Variants in TRAPPC10 observed in about 807,000 individuals in gnomAD.
TRAPPC10 encodes the protein TRAPP 130 kDa subunit.
A neutral mutation model predicts 125.5 loss-of-function variants in TRAPPC10; 23 were observed. The observed-to-expected ratio is 0.18, with a 90% CI of 0.13 to 0.26. TRAPPC10 has a LOEUF of 0.26. Ranked by LOEUF, TRAPPC10 falls within the 10% of genes least tolerant of loss-of-function variation. The probability of loss-of-function intolerance (pLI) is 1.00; values close to 1 mark genes in which losing one functional copy is unlikely to be tolerated. For synonymous variants in TRAPPC10, 509 were observed against 518.0 expected, an observed-to-expected ratio of 0.98 and a Z score of 0.24; for missense variants, 1,123 against 1,308.4, an observed-to-expected ratio of 0.86 and a Z score of 2.19.
At chr21:44,074,554 G>C in intron 8 of TRAPPC10, 84 bp downstream of exon 8, 1 of 1,570,246 alleles carries the variant, frequency 6.4e-7, no homozygotes, top group South Asian at 1.2e-5. Context: ...GTTTGGAGGA[G>C]AGGTGTTGCT....
chr21:44,071,545 T>A (rs1664305721), intron 7 of TRAPPC10, among the ~76,000 whole-genome samples: 1 of 152,170 alleles, frequency 6.6e-6, no homozygotes, highest in South Asian at 2.1e-4. Context: ...TCGGCCCCCT[T>A]TGGGGTGTTA....
chr21:44,014,168 A>G (rs906882548), intron 1 of TRAPPC10, among the ~76,000 whole-genome samples: 2 of 152,248 alleles, frequency 1.3e-5, no homozygotes, highest in African/African-American at 4.8e-5. Context: ...ATGTAAATAC[A>G]TTTCTGAGGA....
At chr21:44,038,318 G>A (rs1041330514) in intron 3 of TRAPPC10, among the ~76,000 whole-genome samples, 7 of 152,004 alleles carry the variant, frequency 4.6e-5, no homozygotes, top group Non-Finnish European at 4.4e-5. Flanking sequence ...TGTGCCCCAC[G>A]GCTGCCAGGC....
At position 44,079,995 on chromosome 21, in the gene TRAPPC10, T is replaced by C. The variant is rs1273596893; in HGVS notation, c.1611-20T>C. The C allele has an allele frequency of 1.9e-6, 3 of 1,607,368 alleles. No homozygotes were observed. The highest frequency in any genetic ancestry group is 2.6e-6 in the Non-Finnish European group (3 of 1,174,398). On this transcript the variant is annotated intron_variant, in intron 12 of 22. Coordinates refer to ENST00000291574, the MANE Select transcript of TRAPPC10 (RefSeq NM_003274.5). ...CTCCTAAGTATGAGCCTCTCCACGCTCCTTACCTCTCCGCTCCAGCTACCT... is the reference window on the plus strand; with the variant it reads ...CTCCTAAGTATGAGCCTCTCCACGCCCCTTACCTCTCCGCTCCAGCTACCT...
At chr21:44,016,973 T>A (rs1025426228) in intron 1 of TRAPPC10, among the ~76,000 whole-genome samples, 3 of 152,218 alleles carry the variant, frequency 2.0e-5, no homozygotes, top group Admixed American at 1.3e-4. Flanking sequence ...GTTTTTAAAT[T>A]TGCACATTGA....
chr21:44,036,401 C>T (rs1413266392), intron 2 of TRAPPC10, among the ~76,000 whole-genome samples: 4 of 152,220 alleles, frequency 2.6e-5, no homozygotes, highest in African/African-American at 7.2e-5. Flanking sequence ...GCGTGAGCCA[C>T]AGGTGCTGAG....
At chr21:44,027,372 AT>A (rs2033170517) in intron 1 of TRAPPC10, among the ~76,000 whole-genome samples, 1 of 152,216 alleles carries the variant, frequency 6.6e-6, no homozygotes, top group African/African-American at 2.4e-5. Context: ...ACGTTCAAGA[AT>A]TGGTTCAGTA....
intron 1 of TRAPPC10, among the ~76,000 whole-genome samples, chr21:44,030,947 T>C (rs1205666943): frequency 2.0e-5 from 3 of 152,206 alleles, no homozygotes; most frequent in Non-Finnish European, 4.4e-5. Context: ...CCAGAGCTCC[T>C]CTGGCCGAGC....
intron 7 of TRAPPC10, among the ~76,000 whole-genome samples, chr21:44,070,748 T>TGC (rs2036804305): frequency 6.6e-6 from 1 of 152,144 alleles, no homozygotes; most frequent in Non-Finnish European, 1.5e-5. Context: ...CTCTAATGGG[T>TGC]AAAATAAGCC....
intron 1 of TRAPPC10, among the ~76,000 whole-genome samples, chr21:44,024,343 C>A (rs547542087): frequency 6.6e-6 from 1 of 152,324 alleles, no homozygotes; most frequent in African/African-American, 2.4e-5. Flanking sequence ...TCTGATTGAA[C>A]AGGTCTGGGT....
Position 44,076,538 on chromosome 21 carries a change from T to G in TRAPPC10, c.1301-14T>G. 6.2e-7 allele frequency: 1 copy of G among 1,610,444 alleles called. No homozygotes were observed. Among genetic ancestry groups the G allele is most frequent in the Non-Finnish European group, 8.5e-7 (1 of 1,176,718 alleles). ...ATGAAGATGAAGAGGGACTCTCGTT[T>G]CTTTCTGTTTAAGCCAACACAGCTC... On this transcript the variant is annotated splice_polypyrimidine_tract_variant and intron_variant, in intron 9 of 22. Transcript: ENST00000291574.
chr21:44,081,017 C>CTTTTTTTTTTTT (rs67865929), intron 13 of TRAPPC10, among the ~76,000 whole-genome samples: 2,916 of 96,964 alleles, frequency 0.03, 6 homozygotes, highest in Non-Finnish European at 0.046. Context: ...TTTTTTTTTT[C>CTTTTTTTTTTTT]TTTTTTTTTT....
intron 2 of TRAPPC10, among the ~76,000 whole-genome samples, chr21:44,036,983 A>C (rs2034030554): frequency 6.6e-6 from 1 of 152,212 alleles, no homozygotes; most frequent in Non-Finnish European, 1.5e-5. Context: ...ACAGGGGAAA[A>C]CTAGAGCCGG....
At chr21:44,050,746 G>A (rs2035177962) in intron 3 of TRAPPC10, among the ~76,000 whole-genome samples, 1 of 152,182 alleles carries the variant, frequency 6.6e-6, no homozygotes, top group African/African-American at 2.4e-5. Flanking sequence ...TTTAATCTCA[G>A]TTTTCAAAGT....
intron 1 of TRAPPC10, among the ~76,000 whole-genome samples, chr21:44,023,061 C>T (rs1337258381): frequency 2.8e-5 from 3 of 105,538 alleles, no homozygotes; most frequent in Admixed American, 2.8e-4. Context: ...GAGACAGAGT[C>T]TTGCTCTGTC....
chr21:44,028,232 A>G (rs2033248227), intron 1 of TRAPPC10, among the ~76,000 whole-genome samples: 1 of 152,284 alleles, frequency 6.6e-6, no homozygotes, highest in South Asian at 2.1e-4. Flanking sequence ...ATCTGATTGC[A>G]TGTAACAGAA....
chr21:44,076,443 C>A, intron 9 of TRAPPC10, 109 bp from the exon 10 acceptor site: 1 of 795,036 alleles, frequency 1.3e-6, no homozygotes, highest in Non-Finnish European at 2.1e-6. Context: ...TTTGTAATTT[C>A]ACAAGAGTCA....
At chr21:44,095,357 T>G (rs567035562) in intron 20 of TRAPPC10, among the ~76,000 whole-genome samples, 1 of 151,970 alleles carries the variant, frequency 6.6e-6, no homozygotes, top group Non-Finnish European at 1.5e-5. Flanking sequence ...GCGATTCTCC[T>G]GCCTCAGCCT....
chr21:44,082,679 C>A lies in TRAPPC10; in HGVS notation c.1724-109C>A. The A allele has an allele frequency of 1.6e-6, 2 of 1,261,592 alleles. No individual in the cohort carries two copies. The highest frequency in any genetic ancestry group is 1.3e-5 in the South Asian group (1 of 75,410). The allele number at this position is 1,261,592 out of a possible 1,614,324, so 78.1% of individuals were successfully genotyped here. ...GGCTCAGCTGCTGTGCCCATCACTG[C>A]TGCTTGCTTCAGTCTGCTCTCGGTG... On this transcript the variant is annotated intron_variant, in intron 13 of 22. Transcript: ENST00000291574. The surrounding 1 kb of genome is among the most constrained non-coding windows in gnomAD (Gnocchi z 4.4).
Sources: gnomAD v4.1 joint callset for allele counts (sites outside exome capture counted in the v4.1 genomes callset) on GRCh38, gnomAD v4.1.1 for gene constraint, Gnocchi (gnomAD v3.1) non-coding constraint, MANE v1.5 for transcripts, NCBI Gene and HGNC (gene_info 2026-07-23, HGNC 2026-07-21) for gene names.